The following CPA6 variants were observed in gnomAD, a reference collection of about 807,000 sequenced individuals.
CPA6 encodes the protein carboxypeptidase B.
A neutral mutation model predicts 63.3 loss-of-function variants in CPA6; 58 were observed. The ratio of observed to expected loss-of-function variants is 0.92; its 90% CI spans 0.74 to 1.14. The LOEUF is 1.14. Among genes scored for constraint, CPA6 ranks in the 50% most tolerant of loss-of-function variants. CPA6 has a pLI of 0.00. For missense variants in CPA6, 565 were observed against 526.6 expected (o/e 1.07, Z -0.71); for synonymous variants, 185 against 179.0 (o/e 1.03, Z -0.27).
At chr8:67,488,388 C>T (rs1344115400) in intron 6 of CPA6, among the ~76,000 whole-genome samples, 3 of 152,086 alleles carry the variant, frequency 2.0e-5, no homozygotes, top group African/African-American at 7.2e-5. Flanking sequence ...TTTCTGAGGC[C>T]CCTGTTCTGT....
At chr8:67,625,906 C>T (rs443841) in intron 1 of CPA6, among the ~76,000 whole-genome samples, 41,934 of 151,994 alleles carry the variant, frequency 0.28, 5,948 homozygotes, top group African/African-American at 0.34. Flanking sequence ...AATCTCATGT[C>T]AAATTGGAGG....
At chr8:67,628,626 A>T (rs115092118) in intron 1 of CPA6, among the ~76,000 whole-genome samples, 168 of 152,372 alleles carry the variant, frequency 1.1e-3, no homozygotes, top group African/African-American at 3.8e-3. Flanking sequence ...TTTGTTTTAC[A>T]GCATTTTGTA....
At chr8:67,431,447 T>C (rs1810025432) in intron 9 of CPA6, among the ~76,000 whole-genome samples, 1 of 152,052 alleles carries the variant, frequency 6.6e-6, no homozygotes, top group Admixed American at 6.6e-5. Flanking sequence ...TTAAACCATG[T>C]TGCCCAGGCT....
intron 1 of CPA6, 65 bp downstream of exon 1, chr8:67,745,949 C>G: frequency 8.2e-7 from 1 of 1,226,092 alleles, no homozygotes; most frequent in South Asian, 1.4e-5. Flanking sequence ...GAGGCACACT[C>G]TGGAGCAAAC....
At chr8:67,681,745 A>G (rs1248040486) in intron 1 of CPA6, among the ~76,000 whole-genome samples, 1 of 152,144 alleles carries the variant, frequency 6.6e-6, no homozygotes, top group African/African-American at 2.4e-5. Flanking sequence ...TGAATTATCT[A>G]TATCATTATT....
intron 8 of CPA6, among the ~76,000 whole-genome samples, chr8:67,441,598 C>T (rs1211198782): frequency 6.6e-6 from 1 of 152,072 alleles, no homozygotes; most frequent in Admixed American, 6.5e-5. Context: ...TAGGTATAAT[C>T]ATAGAAACAA....
chr8:67,724,977 A>G (rs147019100), intron 1 of CPA6, among the ~76,000 whole-genome samples: 170 of 152,356 alleles, frequency 1.1e-3, no homozygotes, highest in African/African-American at 4.0e-3. Context: ...ATAAAGGAGA[A>G]GTCCCTTATA....
chr8:67,727,970 C>T (rs984733384), intron 1 of CPA6, among the ~76,000 whole-genome samples: 2 of 150,844 alleles, frequency 1.3e-5, no homozygotes, highest in Non-Finnish European at 3.0e-5. Context: ...CCCAGCTACT[C>T]GGGAGGCTGA....
rs7838233 is a variant in CPA6 at position 67,522,688 on chromosome 8, C to T, written c.193-4641G>A. On this transcript the variant is annotated intron_variant, in intron 2 of 10. Coordinates refer to ENST00000297770, the MANE Select transcript of CPA6 (RefSeq NM_020361.5). The stretch of plus-strand genomic sequence containing the variant: ...ACTCCCTGGGCGAGAGCTCTAACAT[C>T]CCTGGGGCTTCACTGTTGCTGGCAT... Among the ~76,000 whole-genome samples, 234 of 152,342 alleles carry T rather than the reference C, an allele frequency of 1.5e-3. 1 individual carries two copies. Among genetic ancestry groups the T allele is most frequent in the African/African-American group, 5.4e-3 (226 of 41,570 alleles).
chr8:67,425,323 T>C (rs958310809), intron 10 of CPA6, among the ~76,000 whole-genome samples: 2 of 152,146 alleles, frequency 1.3e-5, no homozygotes, highest in African/African-American at 4.8e-5. Context: ...ACTCAAAAAA[T>C]AACGCTTTTA....
At chr8:67,678,603 A>C (rs1033517963) in intron 1 of CPA6, among the ~76,000 whole-genome samples, 1 of 152,244 alleles carries the variant, frequency 6.6e-6, no homozygotes, top group African/African-American at 2.4e-5. Context: ...GAAAGGCTCA[A>C]ATGAAAGGCA....
rs567172754 is a variant in CPA6, at chr8:67,515,764, T to C, written c.317+2159A>G. 2.0e-5 allele frequency among the ~76,000 whole-genome samples: 3 copies of C among 152,220 alleles called. No homozygotes were observed. The East Asian group carries it at 5.8e-4, about 29-fold the overall frequency. On this transcript the variant is annotated intron_variant, in intron 3 of 10. Coordinates refer to ENST00000297770, the MANE Select transcript of CPA6 (RefSeq NM_020361.5). ...CTTGACTGCACCAGCCTCAAAGATA[T>C]CCACACAACACTCCCCTTCAATAAT...
chr8:67,664,518 C>T (rs1816185862), intron 1 of CPA6, among the ~76,000 whole-genome samples: 1 of 152,162 alleles, frequency 6.6e-6, no homozygotes. Flanking sequence ...CACCTGCTGC[C>T]TTCTCCCACA....
At chr8:67,452,327 A>T (rs1169946345) in intron 8 of CPA6, 1 of 152,212 alleles carries the variant, frequency 6.6e-6, no homozygotes, top group African/African-American at 2.4e-5. Context: ...CCTAGTTGAA[A>T]TATTCTCCTC....
intron 2 of CPA6, among the ~76,000 whole-genome samples, chr8:67,519,270 G>T (rs1812212379): frequency 6.6e-6 from 1 of 152,152 alleles, no homozygotes; most frequent in Non-Finnish European, 1.5e-5. Context: ...AGGGACGAGA[G>T]CCCTATCTCT....
chr8:67,546,588 C>A (rs1385572738), intron 2 of CPA6, among the ~76,000 whole-genome samples: 3 of 152,194 alleles, frequency 2.0e-5, no homozygotes, highest in Non-Finnish European at 2.9e-5. Flanking sequence ...TAAGGTACAT[C>A]AGGATTAGCT....
chr8:67,478,402 G>A (rs1313002343), intron 8 of CPA6, among the ~76,000 whole-genome samples: 2 of 152,126 alleles, frequency 1.3e-5, no homozygotes, highest in African/African-American at 4.8e-5. Flanking sequence ...TTGAAAGAGG[G>A]GGTCTTGGGA....
chr8:67,514,764 T>A lies in CPA6; in HGVS notation c.318-3109A>T, dbSNP rs190100922. Among the ~76,000 whole-genome samples, 86 of 152,346 alleles carry A rather than the reference T, an allele frequency of 5.6e-4. No individual in the cohort carries two copies. In the East Asian group the frequency reaches 0.012, roughly 22 times the overall value. On this transcript the variant is annotated intron_variant, in intron 3 of 10. Transcript: ENST00000297770. ...CTACTGAATAGTAATTAATGAAGCA[T>A]GTGAGTGGTTACTGAGCACCTATAG...
rs116353883 is a variant in CPA6, at chr8:67,674,108, T to C, written c.117-49857A>G. ...TTCTACAGTTGTGAAATAGCTGGAA[T>C]TATTCTCTCCATTCTACAGTTGTCA... On this transcript the variant is annotated intron_variant, in intron 1 of 10. Transcript: ENST00000297770. Among the ~76,000 whole-genome samples the C allele has an allele frequency of 6.8e-3, 1,039 of 152,330 alleles. 7 individuals carry two copies. Among genetic ancestry groups the C allele is most frequent in the African/African-American group, 0.024 (981 of 41,568 alleles).
Sources: gnomAD v4.1 joint callset for allele counts (sites outside exome capture counted in the v4.1 genomes callset) on GRCh38, gnomAD v4.1.1 for gene constraint, MANE v1.5 for transcripts, NCBI Gene and HGNC (gene_info 2026-07-23, HGNC 2026-07-21) for gene names.